The following RALYL variants were observed in gnomAD, a reference collection of about 807,000 sequenced individuals.
RALYL encodes the protein RNA-binding Raly-like protein.
RALYL carries 29 observed loss-of-function variants against 35.1 expected under a neutral mutation model. That is an observed-to-expected ratio of 0.83 (90% CI 0.61 to 1.13). RALYL has a LOEUF of 1.13. Among genes scored for constraint, RALYL ranks in the 50% most tolerant of loss-of-function variants. The probability of loss-of-function intolerance (pLI) is 0.00; values close to 1 mark genes in which losing one functional copy is unlikely to be tolerated. For missense variants in RALYL, 359 were observed against 360.4 expected, an observed-to-expected ratio of 1.00 and a Z score of 0.03; for synonymous variants, 120 against 127.6, an observed-to-expected ratio of 0.94 and a Z score of 0.40.
intron 2 of RALYL, among the ~76,000 whole-genome samples, chr8:84,602,779 C>G (rs1351885882): frequency 1.3e-5 from 2 of 152,046 alleles, no homozygotes; most frequent in Non-Finnish European, 2.9e-5. Flanking sequence ...TCCTGGCCCT[C>G]GTTGAACTTA....
chr8:84,460,792 G>A (rs191104674), intron 1 of RALYL, among the ~76,000 whole-genome samples: 403 of 151,430 alleles, frequency 2.7e-3, no homozygotes, highest in African/African-American at 8.3e-3. Context: ...GTATTACTAT[G>A]GGGTAATTTT....
intron 1 of RALYL, among the ~76,000 whole-genome samples, chr8:84,390,575 C>T (rs530458480): frequency 6.6e-6 from 1 of 151,862 alleles, no homozygotes; most frequent in Non-Finnish European, 1.5e-5. Flanking sequence ...TCTTGGGAGA[C>T]TGTATGTGTC....
intron 1 of RALYL, among the ~76,000 whole-genome samples, chr8:84,493,696 T>C (rs1300178558): frequency 6.6e-6 from 1 of 152,186 alleles, no homozygotes; most frequent in Non-Finnish European, 1.5e-5. Context: ...GTTTTTCATA[T>C]GTTTGACCAC....
At chr8:84,217,606 A>G (rs1821137383) in intron 1 of RALYL, among the ~76,000 whole-genome samples, 2 of 152,080 alleles carry the variant, frequency 1.3e-5, no homozygotes, top group Admixed American at 1.3e-4. Flanking sequence ...AGGTTTTTAT[A>G]CCACTCATAT....
chr8:84,467,318 G>A (rs1334739937), intron 1 of RALYL, among the ~76,000 whole-genome samples: 105 of 151,162 alleles, frequency 6.9e-4, no homozygotes, highest in African/African-American at 1.8e-3. Flanking sequence ...CTTTGAATGC[G>A]TCCCAGAGAT....
Position 84,555,662 on chromosome 8 carries a change from C to T in RALYL, c.256+26085C>T, listed in dbSNP as rs181083844. ...AATTTAATAATACGTTCTAAAGTTTCCTTTAGGTTTTTGGAATTATATTTA... is the reference window on the plus strand; with the variant it reads ...AATTTAATAATACGTTCTAAAGTTTTCTTTAGGTTTTTGGAATTATATTTA... On this transcript the variant is annotated intron_variant, in intron 2 of 8. Transcript: ENST00000521268. 1.3e-3 allele frequency among the ~76,000 whole-genome samples: 195 copies of T among 152,146 alleles called. 2 individuals are homozygous for T. Among genetic ancestry groups the T allele is most frequent in the Admixed American group, 1.7e-3 (26 of 15,276 alleles).
rs1588957223 is a variant in RALYL at position 84,679,701 on chromosome 8, GC to G, written c.257-94877del. On this transcript the variant is annotated intron_variant, in intron 2 of 8. Transcript: ENST00000521268. ...TGAGAACTAATTCATCAGTTGGATG[GC>G]TTTGACCCTCAAGGCAATATTAAGT... The G allele has an allele frequency of 7.8e-6, 4 of 515,046 alleles. No individual in the cohort carries two copies. The East Asian group carries it at 2.3e-4, about 29-fold the overall frequency. 31.9% of individuals were successfully genotyped at this position (515,046 alleles called of 1,614,324 possible). A position where few individuals can be genotyped will look rare whatever the true frequency, so the allele number is the denominator to read the frequency against.
intron 5 of RALYL, among the ~76,000 whole-genome samples, chr8:84,851,642 T>C (rs538981033): frequency 1.1e-4 from 17 of 152,196 alleles, no homozygotes; most frequent in Non-Finnish European, 1.8e-4. Context: ...AAGGGTCTTA[T>C]TCTCTCTGCT....
intron 4 of RALYL, among the ~76,000 whole-genome samples, chr8:84,834,238 C>G (rs1278305521): frequency 6.6e-6 from 1 of 152,144 alleles, no homozygotes; most frequent in Admixed American, 6.5e-5. Flanking sequence ...TGGGTTGTGT[C>G]AGTCAGGATC....
At chr8:84,599,064 A>G (rs778829406) in intron 2 of RALYL, among the ~76,000 whole-genome samples, 2 of 152,140 alleles carry the variant, frequency 1.3e-5, no homozygotes, top group Non-Finnish European at 2.9e-5. Flanking sequence ...ATTACAAAAT[A>G]TCTGATTTTC....
chr8:84,270,354 T>C (rs912109069), intron 1 of RALYL, among the ~76,000 whole-genome samples: 5 of 152,142 alleles, frequency 3.3e-5, no homozygotes, highest in Non-Finnish European at 5.9e-5. Context: ...AGGTTTTTGA[T>C]AACACACACA....
chr8:84,749,410 T>C (rs1809419975), intron 2 of RALYL, among the ~76,000 whole-genome samples: 1 of 152,180 alleles, frequency 6.6e-6, no homozygotes, highest in Admixed American at 6.6e-5. Flanking sequence ...CTAGTATTCA[T>C]TTGTTTCACA....
chr8:84,697,641 T>C (rs1208384252), intron 2 of RALYL, among the ~76,000 whole-genome samples: 1 of 152,078 alleles, frequency 6.6e-6, no homozygotes, highest in Non-Finnish European at 1.5e-5. Flanking sequence ...GTTATACAGG[T>C]AAACTTGTGT....
At chr8:84,508,962 T>C (rs2057391892) in intron 1 of RALYL, among the ~76,000 whole-genome samples, 1 of 152,186 alleles carries the variant, frequency 6.6e-6, no homozygotes, top group South Asian at 2.1e-4. Flanking sequence ...ACATAATGAC[T>C]GTTTCTTGAA....
intron 2 of RALYL, among the ~76,000 whole-genome samples, chr8:84,652,161 A>T (rs925248832): frequency 6.6e-6 from 1 of 152,072 alleles, no homozygotes; most frequent in Non-Finnish European, 1.5e-5. Flanking sequence ...CTATAATTGT[A>T]AGAGGAGGGT....
intron 4 of RALYL, among the ~76,000 whole-genome samples, chr8:84,831,561 C>G (rs1221549982): frequency 6.6e-6 from 1 of 152,034 alleles, no homozygotes; most frequent in Non-Finnish European, 1.5e-5. Context: ...TAGTCATGTT[C>G]TTTAACTGGG....
At chr8:84,799,531 T>C (rs116569131) in intron 3 of RALYL, among the ~76,000 whole-genome samples, 2,267 of 152,330 alleles carry the variant, frequency 0.015, 53 homozygotes, top group African/African-American at 0.052. Flanking sequence ...AGAGGACTTT[T>C]GGCAACAGCA....
chr8:84,602,703 A>C (rs979887049), intron 2 of RALYL, among the ~76,000 whole-genome samples: 3 of 152,094 alleles, frequency 2.0e-5, no homozygotes, highest in Non-Finnish European at 4.4e-5. Context: ...CCAGTTAATA[A>C]ATAGCTATTG....
chr8:84,296,194 T>C (rs1180445243), intron 1 of RALYL, among the ~76,000 whole-genome samples: 1 of 152,122 alleles, frequency 6.6e-6, no homozygotes, highest in Non-Finnish European at 1.5e-5. Flanking sequence ...CACTCTATAT[T>C]GCTGTATTTG....
Sources: allele counts gnomAD v4.1 joint callset (sites outside exome capture counted in the v4.1 genomes callset), GRCh38; gene constraint gnomAD v4.1.1; transcripts MANE v1.5; gene names NCBI Gene and HGNC (gene_info 2026-07-23, HGNC 2026-07-21).